TMEM223: variants seen among roughly 807,000 people sequenced by gnomAD.
TMEM223 encodes transmembrane protein 223.
In TMEM223, 14 loss-of-function variants were observed where a neutral mutation model predicts 14.1. That is an observed-to-expected ratio of 0.99 (90% CI 0.66 to 1.55). The LOEUF is 1.55. Among genes scored for constraint, TMEM223 ranks in the 40% most tolerant of loss-of-function variants. TMEM223 has a pLI of 0.00. For missense variants in TMEM223, 346 were observed against 269.9 expected (o/e 1.28, Z -1.97); for synonymous variants, 145 against 120.5 (o/e 1.20, Z -1.33).
chr11:62,786,546 G>A (rs774704679), downstream of TMEM223: 1 of 1,553,410 alleles, frequency 6.4e-7, no homozygotes, highest in Non-Finnish European at 8.7e-7. Flanking sequence ...TGAAGATGAA[G>A]GCCCAGGCAG....
At chr11:62,782,957 A>C, downstream of TMEM223, 2 of 1,332,330 alleles carry the variant, frequency 1.5e-6, no homozygotes, top group South Asian at 2.9e-5. Flanking sequence ...GCCTTAGGCC[A>C]GGCTCAGTGA....
At chr11:62,772,863 GTTTGTT>G (rs2084159366) in intron 2 of TMEM223, among the ~76,000 whole-genome samples, 1 of 140,400 alleles carries the variant, frequency 7.1e-6, no homozygotes, top group African/African-American at 2.7e-5. Context: ...TTTTTTTTTT[GTTTGTT>G]TTTGTTTTTT....
At chr11:62,787,112 T>G, downstream of TMEM223, 1 of 1,550,970 alleles carries the variant, frequency 6.4e-7, no homozygotes, top group Non-Finnish European at 8.6e-7. Flanking sequence ...CACTTTCGTT[T>G]CATCATAGCC....
chr11:62,776,465 G>A (rs941145872), intron 1 of TMEM223: 35 of 1,613,404 alleles, frequency 2.2e-5, no homozygotes, highest in Non-Finnish European at 2.6e-5. Flanking sequence ...ATGGAGCAGC[G>A]TGGAGGTGAG....
At chr11:62,779,251 G>A (rs1264764363) in intron 1 of TMEM223, among the ~76,000 whole-genome samples, 1 of 152,106 alleles carries the variant, frequency 6.6e-6, no homozygotes, top group Non-Finnish European at 1.5e-5. Flanking sequence ...CTGGAGTGCA[G>A]TGGCGCGATC....
At chr11:62,788,950 CTAA>C, downstream of TMEM223, 5 of 1,486,222 alleles carry the variant, frequency 3.4e-6, no homozygotes, top group East Asian at 1.1e-4. Flanking sequence ...TAAGTTATCA[CTAA>C]CACCCTACCA....
At chr11:62,772,612 C>T (rs2084156861) in intron 2 of TMEM223, among the ~76,000 whole-genome samples, 1 of 151,208 alleles carries the variant, frequency 6.6e-6, no homozygotes, top group African/African-American at 2.4e-5. Context: ...GGCGGATCAC[C>T]TGAGGTCAGG....
In TMEM223 at chr11:62,791,603, C is replaced by T. The variant is rs953469099; in HGVS notation, c.316+76G>A. ...CCACTCTCGGATAGGGAGTCCCTGA[C>T]TCTCCCTGCCTGTATAGGGAAGGTC... On this transcript the variant is annotated intron_variant, in intron 1 of 1. Transcript: ENST00000307366. 8 of 1,416,182 alleles carry T rather than the reference C, an allele frequency of 5.6e-6. No homozygotes were observed. In the African/African-American group the frequency reaches 1.2e-4, roughly 20 times the overall value. The allele number at this position is 1,416,182 out of a possible 1,614,324, so 87.7% of individuals were successfully genotyped here.
chr11:62,787,166 C>G (rs780874776), downstream of TMEM223: 8 of 1,581,902 alleles, frequency 5.1e-6, no homozygotes, highest in Non-Finnish European at 5.1e-6. Context: ...CTTTTCCAGA[C>G]TGCCTTCCCC....
chr11:62,785,852 T>C (rs144755312), downstream of TMEM223, among the ~76,000 whole-genome samples: 25 of 152,298 alleles, frequency 1.6e-4, no homozygotes, highest in East Asian at 4.8e-3. Context: ...GGATTTTAAA[T>C]TGTATAATCA....
downstream of TMEM223, chr11:62,787,530 G>A (rs1348376461): frequency 1.9e-6 from 3 of 1,561,234 alleles, no homozygotes; most frequent in Non-Finnish European, 1.7e-6. Context: ...GGACCCAGGT[G>A]CGGCTGCGGG....
At chr11:62,779,970 A>ATTTTTTTTT (rs1263442687) in intron 1 of TMEM223, among the ~76,000 whole-genome samples, 1 of 64,414 alleles carries the variant, frequency 1.6e-5, no homozygotes, top group African/African-American at 4.5e-5. Flanking sequence ...ATATATATAT[A>ATTTTTTTTT]TATATATTTT....
chr11:62,789,912 G>C (rs747714889), downstream of TMEM223: 1 of 1,613,968 alleles, frequency 6.2e-7, no homozygotes, highest in Non-Finnish European at 8.5e-7. Context: ...ATTTGGTATT[G>C]TGGTGTGTGG....
At chr11:62,787,541 G>T (rs1338132793), downstream of TMEM223, 1 of 1,547,284 alleles carries the variant, frequency 6.5e-7, no homozygotes, top group Middle Eastern at 2.3e-4. Flanking sequence ...CGGCTGCGGG[G>T]CGGGGTCAGG....
downstream of TMEM223, among the ~76,000 whole-genome samples, chr11:62,788,586 C>CA (rs2084318704): frequency 1.3e-5 from 2 of 151,734 alleles, no homozygotes; most frequent in Non-Finnish European, 2.9e-5. Flanking sequence ...TGCCTGTAGT[C>CA]CCAGCTACTC....
At chr11:62,788,520 C>T (rs1565193022), downstream of TMEM223, among the ~76,000 whole-genome samples, 1 of 151,958 alleles carries the variant, frequency 6.6e-6, no homozygotes, top group Admixed American at 6.6e-5. Context: ...CTGGCCAACA[C>T]GGTGAAACCC....
chr11:62,775,941 C>G, intron 1 of TMEM223: 1 of 1,595,418 alleles, frequency 6.3e-7, no homozygotes, highest in Non-Finnish European at 8.5e-7. Context: ...GTACACTCCC[C>G]TCACCCCCTG....
downstream of TMEM223, chr11:62,786,973 C>A: frequency 6.9e-7 from 1 of 1,447,132 alleles, no homozygotes; most frequent in Admixed American, 2.8e-5. Context: ...GGCCTCTGGG[C>A]CCGCCGCCTC....
In TMEM223 at chr11:62,790,258, TTGA is replaced by T. The variant is rs1359055055; in HGVS notation, c.*362_*364del. On this transcript the variant is annotated 3_prime_UTR_variant, in exon 2 of 2. Coordinates refer to ENST00000307366, the MANE Select transcript of TMEM223 (RefSeq NM_001080501.3). ...CTGTCTTCATCTTAGTAGTGAGTTTTTGATGTTAAAGTACAACTAGATAGGAGG... is the reference window on the plus strand; with the variant it reads ...CTGTCTTCATCTTAGTAGTGAGTTTTTGTTAAAGTACAACTAGATAGGAGG... The T allele has an allele frequency of 3.4e-6, 2 of 596,384 alleles. No individual in the cohort carries two copies. The highest frequency in any genetic ancestry group is 7.2e-5 in the Admixed American group (2 of 27,716). The allele number at this position is 596,384 out of a possible 1,614,324, so 36.9% of individuals were successfully genotyped here. A position where few individuals can be genotyped will look rare whatever the true frequency, so the allele number is the denominator to read the frequency against.
Sources: allele counts gnomAD v4.1 joint callset (sites outside exome capture counted in the v4.1 genomes callset), GRCh38; gene constraint gnomAD v4.1.1; transcripts MANE v1.5; gene names NCBI Gene and HGNC (gene_info 2026-07-23, HGNC 2026-07-21).